The following GGT7 variants were observed in gnomAD, a reference collection of about 807,000 sequenced individuals.
GGT7 encodes the protein glutathione hydrolase 7.
Under a neutral mutation model 69.2 loss-of-function variants are expected in GGT7, and 30 were observed. The observed-to-expected ratio is 0.43, with a 90% confidence interval of 0.32 to 0.59. The LOEUF is 0.59. GGT7 is among the 20% of genes least tolerant of loss of function. GGT7 has a pLI of 0.05. For missense variants in GGT7, 733 were observed against 901.1 expected, an observed-to-expected ratio of 0.81 and a Z score of 2.39; for synonymous variants, 388 against 391.8, an observed-to-expected ratio of 0.99 and a Z score of 0.12.
intron 4 of GGT7, among the ~76,000 whole-genome samples, chr20:34,860,602 G>T (rs1345300022): frequency 6.7e-6 from 1 of 148,350 alleles, no homozygotes; most frequent in Non-Finnish European, 1.5e-5. Flanking sequence ...AGTGTAGAAA[G>T]ACACCTGTCT....
Position 34,861,438 on chromosome 20 carries a change from TC to T in GGT7, c.675+6del. On this transcript the variant is annotated splice_donor_region_variant and intron_variant, in intron 4 of 14. Coordinates refer to ENST00000336431, the MANE Select transcript of GGT7 (RefSeq NM_178026.3). ...CCTGAACTCTCTCTTCTCACCAGGG[TC>T]CCCACCTTGGTCTCCCAGGATCTTT... is the stretch of plus-strand genomic sequence containing the variant. 6.9e-7 allele frequency: 1 copy of T among 1,451,704 alleles called. No homozygotes were observed. The highest frequency in any genetic ancestry group is 1.2e-5 in the South Asian group (1 of 81,282). The allele number at this position is 1,451,704 out of a possible 1,614,324, so 89.9% of individuals were successfully genotyped here. A position where few individuals can be genotyped will look rare whatever the true frequency, so the allele number is the denominator to read the frequency against.
chr20:34,860,373 G>A lies in GGT7; in HGVS notation c.676-52C>T, dbSNP rs745499699. On this transcript the variant is annotated intron_variant, in intron 4 of 14. Transcript: ENST00000336431. The stretch of plus-strand genomic sequence containing the variant: ...AGAGGAGACCAGGTCACTGGAAGGG[G>A]GGTGCTGGGCTGAACTCCGCAGAGC... 2.1e-6 allele frequency: 3 copies of A among 1,409,566 alleles called. No individual in the cohort carries two copies. In the South Asian group the frequency reaches 3.4e-5, roughly 16 times the overall value. The allele number at this position is 1,409,566 out of a possible 1,614,324, so 87.3% of individuals were successfully genotyped here. A position where few individuals can be genotyped will look rare whatever the true frequency, so the allele number is the denominator to read the frequency against.
chr20:34,848,622 C>T (rs1024494227), intron 14 of GGT7, among the ~76,000 whole-genome samples: 4 of 152,212 alleles, frequency 2.6e-5, no homozygotes, highest in Non-Finnish European at 4.4e-5. Flanking sequence ...TGTTGAAGAT[C>T]GCGGTCTCTG....
rs368265165 is a variant in GGT7, at chr20:34,852,526, G to A, written c.1332C>T (p.Ala444=). The A allele has an allele frequency of 2.6e-5, 41 of 1,579,844 alleles. No individual in the cohort carries two copies. The highest frequency in any genetic ancestry group is 1.9e-4 in the African/African-American group (14 of 73,142). The change falls in exon 11 of 15, where the codon GCC becomes GCT. Residue 444 remains alanine, a synonymous_variant. Transcript: ENST00000336431. ...SMDDMLSKVE[A]AYLRGHINDS... Reference sequence around the variant, plus strand: ...CATTGATATGGCCCCGGAGGTAGGCGGCCTCCACCTTGCTGAAAAGACAAG... The same window carrying A: ...CATTGATATGGCCCCGGAGGTAGGCAGCCTCCACCTTGCTGAAAAGACAAG...
chr20:34,857,216 G>A (rs1467736063), intron 7 of GGT7, among the ~76,000 whole-genome samples: 1 of 152,152 alleles, frequency 6.6e-6, no homozygotes, highest in Non-Finnish European at 1.5e-5. Context: ...GTTCCCCAGT[G>A]AGCTCTATGC....
chr20:34,868,208 T>A (rs541682711), intron 1 of GGT7, among the ~76,000 whole-genome samples: 2 of 152,242 alleles, frequency 1.3e-5, no homozygotes, highest in South Asian at 4.1e-4. Flanking sequence ...GATATAAGGA[T>A]CCAGGAGGTA....
intron 1 of GGT7, among the ~76,000 whole-genome samples, chr20:34,869,516 C>A (rs769956990): frequency 6.6e-6 from 1 of 152,014 alleles, no homozygotes; most frequent in Non-Finnish European, 1.5e-5. Context: ...TGACCAGAAG[C>A]GATGGATGGA....
intron 6 of GGT7, 75 bp from the exon 7 acceptor site, chr20:34,859,714 T>C (rs1378604269): frequency 8.0e-7 from 1 of 1,246,600 alleles, no homozygotes; most frequent in Non-Finnish European, 1.1e-6. Flanking sequence ...ATAGATGGGG[T>C]AGATGGGGGC....
At chr20:34,849,153 C>T (rs1306425077) in intron 14 of GGT7, among the ~76,000 whole-genome samples, 1 of 151,178 alleles carries the variant, frequency 6.6e-6, no homozygotes, top group Non-Finnish European at 1.5e-5. Context: ...ATAGTGGGCT[C>T]TCTCTTACTT....
Position 34,872,657 on chromosome 20 carries a change from G to A in GGT7, c.159C>T (p.Asp53=). The A allele has an allele frequency of 6.8e-7, 1 of 1,477,442 alleles. No individual in the cohort carries two copies. The highest frequency in any genetic ancestry group is 1.4e-5 in the South Asian group (1 of 72,312). 91.5% of individuals were successfully genotyped at this position (1,477,442 alleles called of 1,614,324 possible). The change falls in exon 1 of 15, where the codon GAC becomes GAT. Residue 53 remains aspartate (D), a synonymous_variant. Transcript: ENST00000336431. ...GTCAGCGGGCCTCACCGGTGTCGGG[G>A]TCTCCCAGAAAGGCGTCCTCGTCCT... The part of the protein sequence containing the change: ...GRKDEDAFLG[D]PDTDPDSFLK...
chr20:34,859,322 C>T lies in GGT7; in HGVS notation c.1014+121G>A, dbSNP rs1160811658. The T allele has an allele frequency of 4.6e-6, 3 of 651,820 alleles. No individual in the cohort carries two copies. In the Admixed American group the frequency reaches 9.5e-5, roughly 21 times the overall value. The allele number at this position is 651,820 out of a possible 1,614,324, so 40.4% of individuals were successfully genotyped here. A position where few individuals can be genotyped will look rare whatever the true frequency, so the allele number is the denominator to read the frequency against. The stretch of plus-strand genomic sequence containing the variant: ...TCTAGAATTTCAAATGAACATAATC[C>T]ACAGTAAATAATATAGAAAGAAAGG... On this transcript the variant is annotated intron_variant, in intron 7 of 14. Coordinates refer to ENST00000336431, the MANE Select transcript of GGT7 (RefSeq NM_178026.3).
Position 34,863,103 on chromosome 20 carries a change from C to T in GGT7, c.406-138G>A. On this transcript the variant is annotated intron_variant, in intron 2 of 14. Transcript: ENST00000336431. This position sits in a 1 kb window ranked among gnomAD's most constrained non-coding sequence, Gnocchi z 4.4. The stretch of plus-strand genomic sequence containing the variant: ...GTTGCCTTGACTCTGCCCTCATTAC[C>T]CCAAGTGCCTCCTAATGGATCTGTC... 2.3e-6 allele frequency: 2 copies of T among 862,026 alleles called. No homozygotes were observed. Among genetic ancestry groups the T allele is most frequent in the East Asian group, 5.3e-5 (2 of 37,596 alleles). 53.4% of individuals were successfully genotyped at this position (862,026 alleles called of 1,614,324 possible).
chr20:34,866,738 C>T (rs946463713), intron 1 of GGT7, among the ~76,000 whole-genome samples: 2 of 152,026 alleles, frequency 1.3e-5, no homozygotes, highest in African/African-American at 4.8e-5. Context: ...TGCCACCACG[C>T]CTAGCTAATT....
Position 34,845,310 on chromosome 20 carries a change from C to T in GGT7, c.*18G>A, listed in dbSNP as rs2079284677. The T allele has an allele frequency of 1.2e-6, 2 of 1,604,482 alleles. No individual in the cohort carries two copies. Among genetic ancestry groups the T allele is most frequent in the Non-Finnish European group, 1.7e-6 (2 of 1,174,856 alleles). On this transcript the variant is annotated 3_prime_UTR_variant, in exon 15 of 15. Coordinates refer to ENST00000336431, the MANE Select transcript of GGT7 (RefSeq NM_178026.3). The stretch of plus-strand genomic sequence containing the variant: ...CATGCAAAGTGGGGGAGCAGAGACC[C>T]CGCCCCACCCCGCTGCTCTACAGGA...
chr20:34,856,763 G>A (rs755265907), intron 8 of GGT7, 43 bp downstream of exon 8: 12 of 1,117,272 alleles, frequency 1.1e-5, no homozygotes, highest in Admixed American at 7.3e-5. Context: ...GGACTGGGAG[G>A]CTTCTCCTGA....
intron 1 of GGT7, among the ~76,000 whole-genome samples, chr20:34,869,668 G>C (rs930375190): frequency 1.3e-5 from 2 of 152,136 alleles, no homozygotes; most frequent in African/African-American, 4.8e-5. Flanking sequence ...ATACTTAGGA[G>C]GGGTGCAGAG....
In GGT7 at chr20:34,863,417, A is replaced by T; in HGVS notation, c.301T>A (p.Ser101Thr). ...DPFSAAAAECSCRQDGLTVIV... is the reference protein window; with the variant it reads ...DPFSAAAAECTCRQDGLTVIV... Reference sequence around the variant, plus strand: ...ACCGTGAGCCCATCCTGGCGGCAGGAGCACTCGGCCGCTGCGGCGGAGAAC... The same window carrying T: ...ACCGTGAGCCCATCCTGGCGGCAGGTGCACTCGGCCGCTGCGGCGGAGAAC... The change falls in exon 2 of 15, where the codon TCC (serine) becomes ACC (threonine). Residue 101 changes from serine (S) to threonine (T), a missense_variant. Coordinates refer to ENST00000336431, the MANE Select transcript of GGT7 (RefSeq NM_178026.3). The surrounding 1 kb of genome is among the most constrained non-coding windows in gnomAD (Gnocchi z 4.4). 2 of 1,613,782 alleles carry T rather than the reference A, an allele frequency of 1.2e-6. No homozygotes were observed.
intron 13 of GGT7, 65 bp downstream of exon 13, chr20:34,851,166 C>T: frequency 1.3e-6 from 2 of 1,578,518 alleles, no homozygotes; most frequent in Non-Finnish European, 1.7e-6. Flanking sequence ...ATATGACAGG[C>T]ATCTGCAGTC....
At position 34,861,170 on chromosome 20, in the gene GGT7, T is replaced by C. The variant is rs563891263; in HGVS notation, c.675+275A>G. ...CTCAGAGTGAGATGTGTGAGTTTCA[T>C]TGCATCAACTTCGTGACATTTCAGG... On this transcript the variant is annotated intron_variant, in intron 4 of 14. Coordinates refer to ENST00000336431, the MANE Select transcript of GGT7 (RefSeq NM_178026.3). Among the ~76,000 whole-genome samples, 8 of 152,320 alleles carry C rather than the reference T, an allele frequency of 5.3e-5. No homozygotes were observed. In the East Asian group the frequency reaches 1.3e-3, roughly 26 times the overall value.
Sources: allele counts gnomAD v4.1 joint callset (sites outside exome capture counted in the v4.1 genomes callset), GRCh38; gene constraint gnomAD v4.1.1; non-coding constraint Gnocchi (gnomAD v3.1); transcripts MANE v1.5; gene names NCBI Gene and HGNC (gene_info 2026-07-23, HGNC 2026-07-21).